The following DLG2 variants were observed in gnomAD, a reference collection of about 807,000 sequenced individuals.
DLG2 encodes discs large MAGUK scaffold protein 2, also known as disks large homolog 2.
DLG2 carries 45 observed loss-of-function variants against 132.5 expected under a neutral mutation model. The ratio of observed to expected loss-of-function variants is 0.34; its 90% CI spans 0.27 to 0.44. The LOEUF (loss-of-function observed/expected upper bound fraction) is 0.44. Ranked by LOEUF, DLG2 falls within the 20% of genes least tolerant of loss-of-function variation. The probability of loss-of-function intolerance (pLI) is 1.00; values close to 1 mark genes in which losing one functional copy is unlikely to be tolerated. For synonymous variants in DLG2, 424 were observed against 419.6 expected (o/e 1.01, Z -0.13); for missense variants, 1,045 against 1,196.9 (o/e 0.87, Z 1.87).
chr11:85,544,250 C>G (rs1284267317), intron 3 of DLG2, among the ~76,000 whole-genome samples: 1 of 152,144 alleles, frequency 6.6e-6, no homozygotes, highest in African/African-American at 2.4e-5. Flanking sequence ...AATAGGGAAT[C>G]CTTTCCCCAA....
At chr11:84,973,397 G>A (rs968257974) in intron 6 of DLG2, among the ~76,000 whole-genome samples, 5 of 152,160 alleles carry the variant, frequency 3.3e-5, no homozygotes, top group South Asian at 4.1e-4. Context: ...GGCTTCTTAT[G>A]TTCCTCGTGA....
chr11:84,946,545 G>A (rs1045398993), intron 6 of DLG2, among the ~76,000 whole-genome samples: 2 of 151,958 alleles, frequency 1.3e-5, no homozygotes, highest in African/African-American at 2.4e-5. Flanking sequence ...TCAGGACTCT[G>A]CCTAGTGCCC....
intron 3 of DLG2, among the ~76,000 whole-genome samples, chr11:85,313,676 C>A (rs918665816): frequency 6.6e-6 from 1 of 151,918 alleles, no homozygotes; most frequent in South Asian, 2.1e-4. Context: ...TGTGAATGAA[C>A]CTATTTATTC....
At chr11:84,292,436 TC>T (rs1301086975) in intron 7 of DLG2, among the ~76,000 whole-genome samples, 2 of 152,140 alleles carry the variant, frequency 1.3e-5, no homozygotes, top group African/African-American at 4.8e-5. Context: ...AGCCTAGCAT[TC>T]CCTTTTCACT....
chr11:85,368,056 C>G (rs2084687525), intron 3 of DLG2, among the ~76,000 whole-genome samples: 1 of 152,152 alleles, frequency 6.6e-6, no homozygotes, highest in Non-Finnish European at 1.5e-5. Context: ...GAAATAAGCA[C>G]CAATCATGAG....
At chr11:83,556,238 A>G (rs576597863) in intron 19 of DLG2, among the ~76,000 whole-genome samples, 1 of 152,242 alleles carries the variant, frequency 6.6e-6, no homozygotes, top group East Asian at 1.9e-4. Context: ...CCCAGGAGGA[A>G]GTCAATAGCA....
chr11:84,119,797 A>G (rs2093818161), intron 9 of DLG2, among the ~76,000 whole-genome samples: 1 of 152,202 alleles, frequency 6.6e-6, no homozygotes, highest in African/African-American at 2.4e-5. Context: ...TTAGTTACCT[A>G]TAATAAGGCC....
At chr11:83,605,007 C>CAGAGAGAGAG (rs71066055) in intron 19 of DLG2, among the ~76,000 whole-genome samples, 1,749 of 129,898 alleles carry the variant, frequency 0.013, 56 homozygotes, top group South Asian at 0.03. Flanking sequence ...TTTTCAAAGA[C>CAGAGAGAGAG]AGAGAGAGAG....
chr11:84,024,052 T>C (rs1261071555), intron 11 of DLG2, among the ~76,000 whole-genome samples: 4 of 152,124 alleles, frequency 2.6e-5, no homozygotes, highest in African/African-American at 9.7e-5. Context: ...AGGCTGTTCA[T>C]AGTTAAGTTT....
At chr11:84,064,723 A>T (rs1485492091) in intron 10 of DLG2, among the ~76,000 whole-genome samples, 1 of 152,208 alleles carries the variant, frequency 6.6e-6, no homozygotes, top group Non-Finnish European at 1.5e-5. Flanking sequence ...TACTAAAGGG[A>T]GAAAAAGAAA....
At chr11:84,325,540 G>T (rs1168680154) in intron 7 of DLG2, among the ~76,000 whole-genome samples, 1 of 152,026 alleles carries the variant, frequency 6.6e-6, no homozygotes, top group African/African-American at 2.4e-5. Flanking sequence ...CTTTTAATGT[G>T]ATTTATCCAA....
chr11:84,386,450 T>C (rs1319856103), intron 7 of DLG2, among the ~76,000 whole-genome samples: 6 of 152,122 alleles, frequency 3.9e-5, no homozygotes, highest in Admixed American at 1.3e-4. Flanking sequence ...CTCCACAATC[T>C]GTAAAATGTC....
intron 6 of DLG2, among the ~76,000 whole-genome samples, chr11:84,610,186 T>C (rs2099592899): frequency 6.6e-6 from 1 of 152,100 alleles, no homozygotes. Flanking sequence ...TGATGCCACC[T>C]CTGAATATTG....
intron 21 of DLG2, among the ~76,000 whole-genome samples, chr11:83,500,130 A>T (rs1004605023): frequency 1.5e-4 from 22 of 151,636 alleles, no homozygotes; most frequent in African/African-American, 5.1e-4. Context: ...GCACTGTCAC[A>T]TTGCCTTAGT....
chr11:83,712,474 CA>C (rs1298302391), intron 18 of DLG2, among the ~76,000 whole-genome samples: 15 of 151,818 alleles, frequency 9.9e-5, no homozygotes, highest in Non-Finnish European at 1.6e-4. Context: ...ATTAAAAATA[CA>C]AAAAATTAGC....
At chr11:84,153,724 T>A (rs981690344) in intron 9 of DLG2, among the ~76,000 whole-genome samples, 1 of 152,186 alleles carries the variant, frequency 6.6e-6, no homozygotes, top group Non-Finnish European at 1.5e-5. Context: ...AATGGCTCTG[T>A]CATCTTTCAA....
chr11:83,787,667 A>G (rs2040405614), intron 17 of DLG2, among the ~76,000 whole-genome samples: 1 of 152,134 alleles, frequency 6.6e-6, no homozygotes. Flanking sequence ...CTCATATACA[A>G]TTCTAGAATA....
intron 18 of DLG2, among the ~76,000 whole-genome samples, chr11:83,710,267 A>G (rs532572649): frequency 1.3e-5 from 2 of 151,902 alleles, no homozygotes; most frequent in Non-Finnish European, 2.9e-5. Flanking sequence ...GATTCAAGCA[A>G]TTCTCCTGCC....
intron 6 of DLG2, among the ~76,000 whole-genome samples, chr11:84,992,790 G>C (rs1485959700): frequency 6.6e-6 from 1 of 152,064 alleles, no homozygotes; most frequent in Non-Finnish European, 1.5e-5. Context: ...CTGGATGTTA[G>C]ACCTTTGTCA....
Sources: allele counts gnomAD v4.1 joint callset (sites outside exome capture counted in the v4.1 genomes callset), GRCh38; gene constraint gnomAD v4.1.1; transcripts MANE v1.5; gene names NCBI Gene and HGNC (gene_info 2026-07-23, HGNC 2026-07-21).